Variants in TENM2 observed in about 807,000 individuals in gnomAD.
The protein encoded by TENM2 is teneurin-2.
Under a neutral mutation model 245.2 loss-of-function variants are expected in TENM2, and 52 were observed. That is an observed-to-expected ratio of 0.21 (90% CI 0.17 to 0.27). TENM2 has a LOEUF of 0.27. Ranked by LOEUF, TENM2 falls within the 10% of genes least tolerant of loss-of-function variation. The probability of loss-of-function intolerance (pLI) is 1.00; values close to 1 mark genes in which losing one functional copy is unlikely to be tolerated. For missense variants in TENM2, 3,046 were observed against 3,666.8 expected (o/e 0.83, Z 4.37); for synonymous variants, 1,363 against 1,438.9 (o/e 0.95, Z 1.19).
chr5:167,382,234 G>A (rs879383346), intron 2 of TENM2, among the ~76,000 whole-genome samples: 3 of 152,138 alleles, frequency 2.0e-5, no homozygotes, highest in Non-Finnish European at 4.4e-5. Flanking sequence ...TAAAGAGGAG[G>A]AAAATGACTT....
rs79873608 is a variant in TENM2, at chr5:167,669,147, C to T, written c.503-206839C>T. Reference sequence around the variant, plus strand: ...GAATGCAGTATGACTTTGGTGGGCTCACGGTTCTCAGTGTTTACATGCATC... The same window carrying T: ...GAATGCAGTATGACTTTGGTGGGCTTACGGTTCTCAGTGTTTACATGCATC... On this transcript the variant is annotated intron_variant, in intron 2 of 28. Coordinates refer to ENST00000518659, the Ensembl canonical transcript of TENM2. Among the ~76,000 whole-genome samples, 6 of 152,236 alleles carry T rather than the reference C, an allele frequency of 3.9e-5. No homozygotes were observed. In the South Asian group the frequency reaches 1.2e-3, roughly 32 times the overall value.
In TENM2 at chr5:167,585,495, A is replaced by G. The variant is rs540832859; in HGVS notation, c.502+210022A>G. Among the ~76,000 whole-genome samples, 4 of 152,294 alleles carry G rather than the reference A, an allele frequency of 2.6e-5. No homozygotes were observed. The South Asian group carries it at 6.2e-4, about 24-fold the overall frequency. On this transcript the variant is annotated intron_variant, in intron 2 of 28. Coordinates refer to ENST00000518659, the Ensembl canonical transcript of TENM2. ...AGAGTCAGAAATGATGATGCAGAAT[A>G]AATATATATTGATTTATTTTTAATT...
At chr5:168,162,782 A>T (rs1404525344) in intron 13 of TENM2, 25 bp downstream of exon 15, 2 of 1,610,746 alleles carry the variant, frequency 1.2e-6, no homozygotes, top group Non-Finnish European at 1.7e-6. Flanking sequence ...TCTCATTCCC[A>T]GCCCCTAAGA....
chr5:168,147,598 G>A (rs1259669042), intron 12 of TENM2, among the ~76,000 whole-genome samples: 3 of 152,094 alleles, frequency 2.0e-5, no homozygotes, highest in Non-Finnish European at 4.4e-5. Context: ...CTGAGTCTCC[G>A]GCAATGTCAA....
chr5:168,198,784 G>T, intron 15 of TENM2, 69 bp from the exon 18 acceptor site: 2 of 1,557,270 alleles, frequency 1.3e-6, no homozygotes, highest in South Asian at 1.2e-5. Context: ...ATCAGGGGAG[G>T]AGGAGAGGCA....
At position 167,964,977 on chromosome 5, in the gene TENM2, T is replaced by TG. The variant is rs544383472; in HGVS notation, c.947+12161dup. Among the ~76,000 whole-genome samples the TG allele has an allele frequency of 7.9e-5, 12 of 152,260 alleles. No individual in the cohort carries two copies. In the East Asian group the frequency reaches 1.4e-3, roughly 17 times the overall value. ...GATAGCTGCCCTATGATAAATGGATTGGGGGGCAGTTAGAGTGGAAAGTAT... is the reference window on the plus strand; with the variant it reads ...GATAGCTGCCCTATGATAAATGGATTGGGGGGGCAGTTAGAGTGGAAAGTAT... On this transcript the variant is annotated intron_variant, in intron 4 of 28. Coordinates refer to ENST00000518659, the Ensembl canonical transcript of TENM2.
chr5:167,104,335 T>G, the TENM2 span, among the ~76,000 whole-genome samples: 1 of 152,146 alleles, frequency 6.6e-6, no homozygotes, highest in South Asian at 2.1e-4. Context: ...AAAGAAGAAT[T>G]TGTTAAGCAC....
chr5:167,931,771 G>A (rs572467509), intron 3 of TENM2, among the ~76,000 whole-genome samples: 6 of 152,260 alleles, frequency 3.9e-5, no homozygotes, highest in African/African-American at 1.4e-4. Context: ...TTTAACTTTG[G>A]TTTTGATGGG....
intron 2 of TENM2, among the ~76,000 whole-genome samples, chr5:167,783,983 A>C (rs1483200422): frequency 6.6e-6 from 1 of 152,166 alleles, no homozygotes; most frequent in Non-Finnish European, 1.5e-5. Context: ...AGGGAGATTG[A>C]GGGATGCTTG....
intron 5 of TENM2, among the ~76,000 whole-genome samples, chr5:168,018,109 TG>T (rs1271733090): frequency 6.6e-6 from 1 of 152,220 alleles, no homozygotes; most frequent in African/African-American, 2.4e-5. Context: ...GAGTTGGTTG[TG>T]GGGTTCATAG....
the TENM2 span, among the ~76,000 whole-genome samples, chr5:167,099,918 C>G: frequency 6.6e-6 from 1 of 152,140 alleles, no homozygotes; most frequent in Non-Finnish European, 1.5e-5. Context: ...CAATGTGGAC[C>G]AGCTCAGGGT....
intron 3 of TENM2, among the ~76,000 whole-genome samples, chr5:167,891,538 T>TAC (rs1210734646): frequency 6.6e-6 from 1 of 152,182 alleles, no homozygotes; most frequent in African/African-American, 2.4e-5. Flanking sequence ...ATATCCTTAT[T>TAC]ACATAGCTGG....
At position 167,407,576 on chromosome 5, in the gene TENM2, G is replaced by A. The variant is rs898649086; in HGVS notation, c.502+32103G>A. 4.6e-5 allele frequency among the ~76,000 whole-genome samples: 7 copies of A among 152,290 alleles called. No homozygotes were observed. The East Asian group carries it at 1.4e-3, about 29-fold the overall frequency. ...CTCATGCCCGTAATCCCAGCACTTT[G>A]GGAGGCTGAGGCGGGCAGATCACCT... On this transcript the variant is annotated intron_variant, in intron 2 of 28. Transcript: ENST00000518659.
At chr5:168,046,558 G>GGT (rs1049992350) in intron 5 of TENM2, among the ~76,000 whole-genome samples, 5 of 152,176 alleles carry the variant, frequency 3.3e-5, no homozygotes, top group African/African-American at 1.2e-4. Flanking sequence ...CTAAACTCAT[G>GGT]GTGGGGAGTT....
chr5:167,125,502 T>C, the TENM2 span, among the ~76,000 whole-genome samples: 192 of 152,340 alleles, frequency 1.3e-3, no homozygotes, highest in Middle Eastern at 3.4e-3. Flanking sequence ...TTGATTCTAA[T>C]AGACCCTTAT....
chr5:168,124,765 T>G (rs1795719668), intron 10 of TENM2, 85 bp from the exon 13 acceptor site: 1 of 1,331,870 alleles, frequency 7.5e-7, no homozygotes. Context: ...ACTGGTCCAT[T>G]CAGCAGCAAG....
the TENM2 span, among the ~76,000 whole-genome samples, chr5:167,180,709 GTAAGCT>G: frequency 6.6e-6 from 1 of 152,082 alleles, no homozygotes; most frequent in Non-Finnish European, 1.5e-5. Context: ...CTAAAAAAAG[GTAAGCT>G]AGAGAAATGA....
At chr5:167,873,799 A>C (rs1011179678) in intron 2 of TENM2, among the ~76,000 whole-genome samples, 1 of 152,190 alleles carries the variant, frequency 6.6e-6, no homozygotes, top group Admixed American at 6.5e-5. Flanking sequence ...CCAGCAAGAA[A>C]GTCATGCCTT....
At chr5:168,143,559 C>T (rs548585828) in intron 12 of TENM2, among the ~76,000 whole-genome samples, 55 of 152,160 alleles carry the variant, frequency 3.6e-4, no homozygotes, top group Admixed American at 5.9e-4. Flanking sequence ...TGCCTGGGCG[C>T]AGAACTTTGT....
Sources: allele counts gnomAD v4.1 joint callset (sites outside exome capture counted in the v4.1 genomes callset), GRCh38; gene constraint gnomAD v4.1.1; transcripts MANE v1.5; gene names NCBI Gene and HGNC (gene_info 2026-07-23, HGNC 2026-07-21).